SF3A3: variants seen among roughly 807,000 people sequenced by gnomAD.
SF3A3 encodes the protein SAP 61.
SF3A3 carries 9 observed loss-of-function variants against 85.8 expected under a neutral mutation model. That is an observed-to-expected ratio of 0.10 (90% CI 0.06 to 0.18). SF3A3 has a LOEUF of 0.18. SF3A3 is among the 10% of genes least tolerant of loss of function. SF3A3 has a pLI of 1.00. For missense variants in SF3A3, 306 were observed against 593.3 expected (o/e 0.52, Z 5.03); for synonymous variants, 195 against 204.4 (o/e 0.95, Z 0.39).
intron 15 of SF3A3, among the ~76,000 whole-genome samples, chr1:37,962,668 G>C (rs181191687): frequency 2.4e-4 from 36 of 150,810 alleles, no homozygotes; most frequent in Middle Eastern, 3.4e-3. Flanking sequence ...GGCGATTTCC[G>C]GTGGCAATTT....
At chr1:37,986,894 G>C (rs1646461365) in intron 4 of SF3A3, among the ~76,000 whole-genome samples, 1 of 150,606 alleles carries the variant, frequency 6.6e-6, no homozygotes, top group African/African-American at 2.4e-5. Context: ...AAAAGGAAGA[G>C]AAAGTAGGAT....
chr1:37,975,336 C>CA (rs1350694729), intron 12 of SF3A3, among the ~76,000 whole-genome samples: 1 of 151,938 alleles, frequency 6.6e-6, no homozygotes, highest in African/African-American at 2.4e-5. Flanking sequence ...GCCAACAAGA[C>CA]AAAACCCTGT....
intron 12 of SF3A3, among the ~76,000 whole-genome samples, chr1:37,975,501 G>C (rs1415748962): frequency 6.9e-6 from 1 of 144,576 alleles, no homozygotes; most frequent in East Asian, 2.1e-4. Flanking sequence ...GGGTGACAGA[G>C]TGAGATACTA....
intron 8 of SF3A3, 88 bp downstream of exon 8, chr1:37,980,498 A>G (rs1646410425): frequency 7.3e-7 from 1 of 1,373,142 alleles, no homozygotes; most frequent in East Asian, 2.3e-5. Flanking sequence ...ATTGATACCT[A>G]ATGCCCTAAA....
intron 15 of SF3A3, among the ~76,000 whole-genome samples, chr1:37,964,217 A>G (rs1165605786): frequency 6.6e-6 from 1 of 152,102 alleles, no homozygotes; most frequent in Non-Finnish European, 1.5e-5. Flanking sequence ...TGTATGGCTA[A>G]GAGAACACGA....
chr1:37,984,923 T>C, intron 4 of SF3A3, 144 bp from the exon 5 acceptor site: 1 of 643,442 alleles, frequency 1.6e-6, no homozygotes, highest in Non-Finnish European at 2.8e-6. Context: ...TTGTCCTGCC[T>C]CGGCCACCCG....
chr1:37,988,603 G>A (rs1646471310), intron 2 of SF3A3, among the ~76,000 whole-genome samples: 1 of 152,158 alleles, frequency 6.6e-6, no homozygotes, highest in Non-Finnish European at 1.5e-5. Context: ...TTTTGGGGCT[G>A]AGGGCTTGTA....
intron 15 of SF3A3, among the ~76,000 whole-genome samples, chr1:37,963,400 T>C (rs375888247): frequency 9.2e-5 from 14 of 152,034 alleles, no homozygotes; most frequent in African/African-American, 2.9e-4. Context: ...GTGGTGAACC[T>C]AAAAAGTTCA....
chr1:37,967,635 G>A (rs1375780353), intron 15 of SF3A3, among the ~76,000 whole-genome samples: 1 of 117,312 alleles, frequency 8.5e-6, no homozygotes, highest in African/African-American at 3.3e-5. Context: ...CCGAGATCAT[G>A]CCACTGCACT....
In SF3A3 at chr1:37,970,614, A is replaced by T. The variant is rs529538640; in HGVS notation, c.1006-879T>A. Among the ~76,000 whole-genome samples the T allele has an allele frequency of 6.2e-3, 951 of 152,252 alleles. 6 individuals are homozygous for T. Among genetic ancestry groups the T allele is most frequent in the Non-Finnish European group, 9.6e-3 (654 of 68,026 alleles). On this transcript the variant is annotated intron_variant, in intron 12 of 16. Transcript: ENST00000373019. ...TTGACCACATAGTTGGAAGTAAAGC[A>T]CTCCTCAGCAAATGTAAAAGAACAG...
chr1:37,981,409 C>T (rs1646417722), intron 7 of SF3A3, among the ~76,000 whole-genome samples: 1 of 152,164 alleles, frequency 6.6e-6, no homozygotes, highest in Non-Finnish European at 1.5e-5. Context: ...CAGTCACTAT[C>T]TGAGAAAGTC....
intron 16 of SF3A3, 60 bp from the exon 17 acceptor site, chr1:37,958,323 A>G (rs1646234166): frequency 1.0e-5 from 12 of 1,160,822 alleles, no homozygotes; most frequent in Admixed American, 6.7e-5. Context: ...TTTGGAACCA[A>G]TCTCTAAGTA....
intron 16 of SF3A3, among the ~76,000 whole-genome samples, chr1:37,958,947 G>A (rs1248166961): frequency 6.6e-6 from 1 of 152,052 alleles, no homozygotes. Context: ...CGCTATGAGA[G>A]TATCATCTCT....
At position 37,966,991 on chromosome 1, in the gene SF3A3, T is replaced by A. The variant is rs569930747; in HGVS notation, c.1372+1053A>T. Among the ~76,000 whole-genome samples, 7 of 135,610 alleles carry A rather than the reference T, an allele frequency of 5.2e-5. No homozygotes were observed. The East Asian group carries it at 1.5e-3, about 30-fold the overall frequency. 89.0% of individuals were successfully genotyped at this position (135,610 alleles called of 152,430 possible). On this transcript the variant is annotated intron_variant, in intron 15 of 16. Coordinates refer to ENST00000373019, the MANE Select transcript of SF3A3 (RefSeq NM_006802.4). ...ATAATTAGGCGCGGTGGCTCACGCC[T>A]GTTATCCCAGCACTTTGGGAGGCCA...
At chr1:37,964,374 G>A (rs934263722) in intron 15 of SF3A3, among the ~76,000 whole-genome samples, 6 of 152,134 alleles carry the variant, frequency 3.9e-5, no homozygotes, top group African/African-American at 1.4e-4. Context: ...GGAAGCCAAG[G>A]CAGGCAAGTC....
At chr1:37,968,852 G>C (rs1424769128) in intron 14 of SF3A3, among the ~76,000 whole-genome samples, 1 of 152,150 alleles carries the variant, frequency 6.6e-6, no homozygotes, top group African/African-American at 2.4e-5. Context: ...AGAACTCTAA[G>C]TAGAGCCCAC....
rs907510937 is a variant in SF3A3, at chr1:37,957,774, G to C, written c.*412C>G. 2 of 166,624 alleles carry C rather than the reference G, an allele frequency of 1.2e-5. No individual in the cohort carries two copies. The highest frequency in any genetic ancestry group is 2.6e-5 in the Non-Finnish European group (2 of 77,388). 10.3% of individuals were successfully genotyped at this position (166,624 alleles called of 1,614,324 possible). A position where few individuals can be genotyped will look rare whatever the true frequency, so the allele number is the denominator to read the frequency against. On this transcript the variant is annotated 3_prime_UTR_variant, in exon 17 of 17. Coordinates refer to ENST00000373019, the MANE Select transcript of SF3A3 (RefSeq NM_006802.4). ...AAGCTGATGGCAGACCTCATCCTGGGGTAATACTCATTCAGGGAAGCAGCA... is the reference window on the plus strand; with the variant it reads ...AAGCTGATGGCAGACCTCATCCTGGCGTAATACTCATTCAGGGAAGCAGCA...
intron 15 of SF3A3, among the ~76,000 whole-genome samples, chr1:37,966,693 T>G (rs1159899521): frequency 1.3e-5 from 2 of 151,766 alleles, no homozygotes; most frequent in African/African-American, 4.8e-5. Flanking sequence ...TCGCAGCACT[T>G]TGGGAGGCCG....
intron 15 of SF3A3, among the ~76,000 whole-genome samples, chr1:37,967,419 C>T (rs1646309464): frequency 6.6e-6 from 1 of 151,802 alleles, no homozygotes; most frequent in South Asian, 2.1e-4. Context: ...GCGGCTCATG[C>T]CTGTAATCCC....
Sources: allele counts gnomAD v4.1 joint callset (sites outside exome capture counted in the v4.1 genomes callset), GRCh38; gene constraint gnomAD v4.1.1; transcripts MANE v1.5; gene names NCBI Gene and HGNC (gene_info 2026-07-23, HGNC 2026-07-21).